CNTN6: variants seen among roughly 807,000 people sequenced by gnomAD.
The protein encoded by CNTN6 is contactin 6.
A neutral mutation model predicts 122.8 loss-of-function variants in CNTN6; 137 were observed. The observed-to-expected ratio is 1.12, with a 90% CI of 0.97 to 1.29. The LOEUF (loss-of-function observed/expected upper bound fraction) is 1.29, where lower values mean the gene tolerates loss of function less well. Among genes scored for constraint, CNTN6 ranks in the 50% most tolerant of loss-of-function variants. The pLI, the probability that CNTN6 is intolerant of heterozygous loss-of-function variation, is 0.00. For missense variants in CNTN6, 1,634 were observed against 1,223.4 expected (o/e 1.34, Z -5.01); for synonymous variants, 570 against 426.0 (o/e 1.34, Z -4.16).
At chr3:1,116,813 T>A (rs1473819067) in intron 1 of CNTN6, among the ~76,000 whole-genome samples, 1 of 149,432 alleles carries the variant, frequency 6.7e-6, no homozygotes, top group Non-Finnish European at 1.5e-5. Flanking sequence ...CAAGCGATTC[T>A]CATAACTCAG....
At chr3:1,337,056 C>T (rs1030271342) in intron 11 of CNTN6, among the ~76,000 whole-genome samples, 1 of 152,094 alleles carries the variant, frequency 6.6e-6, no homozygotes, top group Non-Finnish European at 1.5e-5. Flanking sequence ...GTAAAATGGT[C>T]CCCTTGGGAA....
intron 20 of CNTN6, among the ~76,000 whole-genome samples, chr3:1,399,912 T>C (rs1288399264): frequency 2.6e-5 from 4 of 152,096 alleles, no homozygotes; most frequent in South Asian, 4.1e-4. Context: ...CATGTAAGCA[T>C]ACAGGGAAAC....
At chr3:1,224,780 C>CT (rs767418818) in intron 3 of CNTN6, among the ~76,000 whole-genome samples, 9 of 152,170 alleles carry the variant, frequency 5.9e-5, no homozygotes, top group Non-Finnish European at 8.8e-5. Flanking sequence ...CAGTCTTGCT[C>CT]TGTCAGCCAG....
chr3:1,212,562 C>G (rs2094061194), intron 2 of CNTN6, among the ~76,000 whole-genome samples: 1 of 151,346 alleles, frequency 6.6e-6, no homozygotes, highest in South Asian at 2.1e-4. Context: ...TGTGTATACA[C>G]ATACACATAC....
intron 2 of CNTN6, among the ~76,000 whole-genome samples, chr3:1,158,899 T>TACACAC (rs1215687212): frequency 7.7e-6 from 1 of 129,846 alleles, no homozygotes; most frequent in African/African-American, 3.3e-5. Flanking sequence ...CACATATATA[T>TACACAC]ACACATATAT....
intron 2 of CNTN6, among the ~76,000 whole-genome samples, chr3:1,192,640 T>C (rs2093718588): frequency 6.6e-6 from 1 of 152,072 alleles, no homozygotes. Context: ...TTGTCACAGA[T>C]GCACACCTGC....
intron 4 of CNTN6, among the ~76,000 whole-genome samples, chr3:1,239,546 A>G (rs2094458193): frequency 6.6e-6 from 1 of 152,226 alleles, no homozygotes; most frequent in Non-Finnish European, 1.5e-5. Context: ...ATAGAAACAC[A>G]TCCCATGCTC....
In CNTN6 at chr3:1,147,986, A is replaced by G; in HGVS notation, c.-23A>G. The G allele has an allele frequency of 6.3e-7, 1 of 1,598,914 alleles. No individual in the cohort carries two copies. The highest frequency in any genetic ancestry group is 8.6e-7 in the Non-Finnish European group (1 of 1,167,914). The stretch of plus-strand genomic sequence containing the variant: ...TGTTCCACCTGATTGTATGGGAGAA[A>G]TTTTTGACCTTAGAAAGTGGAAATG... On this transcript the variant is annotated 5_prime_UTR_variant, in exon 2 of 23. Coordinates refer to ENST00000446702, the MANE Select transcript of CNTN6 (RefSeq NM_001289080.2).
At position 1,329,883 on chromosome 3, in the gene CNTN6, A is replaced by G. The variant is rs1487147502; in HGVS notation, c.1312A>G (p.Arg438Gly). ...CGGATGCAAACCAAATGCTTTTCCC[A>G]GGGCAGCTATCTCTTGGAAAAGAGG... is the stretch of plus-strand genomic sequence containing the variant. ...VIGCKPNAFPRAAISWKRGTE... is the reference protein window; with the variant it reads ...VIGCKPNAFPGAAISWKRGTE... Residue 438 changes from arginine to glycine, a missense_variant, in exon 11 of 23, where the codon AGG becomes GGG. Coordinates refer to ENST00000446702, the MANE Select transcript of CNTN6 (RefSeq NM_001289080.2). The G allele has an allele frequency of 6.2e-7, 1 of 1,610,308 alleles. No homozygotes were observed. Among genetic ancestry groups the G allele is most frequent in the Non-Finnish European group, 8.5e-7 (1 of 1,177,812 alleles).
intron 11 of CNTN6, among the ~76,000 whole-genome samples, chr3:1,334,792 G>C (rs900511151): frequency 1.1e-4 from 17 of 151,996 alleles, no homozygotes; most frequent in African/African-American, 3.9e-4. Flanking sequence ...CACACATTCA[G>C]TAAATATTTT....
chr3:1,100,988 A>T (rs1293946241), intron 1 of CNTN6, among the ~76,000 whole-genome samples: 1 of 152,050 alleles, frequency 6.6e-6, no homozygotes, highest in Non-Finnish European at 1.5e-5. Context: ...CCTTCAACAG[A>T]TGTTGTTTTC....
At chr3:1,242,193 G>T (rs1368678040) in intron 4 of CNTN6, among the ~76,000 whole-genome samples, 2 of 152,138 alleles carry the variant, frequency 1.3e-5, no homozygotes, top group Non-Finnish European at 2.9e-5. Flanking sequence ...TACAGCCTTG[G>T]TAATTTGCTG....
chr3:1,234,636 G>T (rs544674538), intron 4 of CNTN6, among the ~76,000 whole-genome samples: 1 of 152,234 alleles, frequency 6.6e-6, no homozygotes, highest in African/African-American at 2.4e-5. Context: ...TATTAAGTGG[G>T]TAATGCATAC....
intron 2 of CNTN6, among the ~76,000 whole-genome samples, chr3:1,203,592 C>T (rs2093915634): frequency 6.6e-6 from 1 of 152,134 alleles, no homozygotes; most frequent in Non-Finnish European, 1.5e-5. Context: ...GACGTTTAGC[C>T]CAAATGCGTT....
intron 1 of CNTN6, among the ~76,000 whole-genome samples, chr3:1,106,622 T>A (rs1000966197): frequency 1.3e-5 from 2 of 152,090 alleles, no homozygotes; most frequent in Admixed American, 1.3e-4. Flanking sequence ...ATTTTACTTA[T>A]AGCTTAGAAT....
At chr3:1,162,987 C>A (rs981999544) in intron 2 of CNTN6, among the ~76,000 whole-genome samples, 6 of 152,272 alleles carry the variant, frequency 3.9e-5, no homozygotes, top group East Asian at 1.9e-4. Context: ...ACTGGCCTGG[C>A]AGCCTCTTGT....
rs759673553 is a variant in CNTN6, at chr3:1,403,372, T to C, written c.3041T>C (p.Ile1014Thr). Residue 1014 changes from isoleucine (I) to threonine (T), a missense_variant, in exon 23 of 23, where the codon ATT becomes ACT. Ile to Thr is a moderately conservative substitution (Grantham distance 89, BLOSUM62 -1). Transcript: ENST00000446702. ...GAACCTAGCACCCATTTTCTTTCCA[T>C]TGTCATTGTGATTTTTCACTGTTTT... ...FLEPSTHFLS[I>T]VIVIFHCFAI... The C allele has an allele frequency of 9.3e-6, 15 of 1,611,510 alleles. No homozygotes were observed. In the East Asian group the frequency reaches 2.0e-4, roughly 22 times the overall value.
chr3:1,328,652 T>C (rs1701860882), intron 10 of CNTN6, among the ~76,000 whole-genome samples: 1 of 151,780 alleles, frequency 6.6e-6, no homozygotes, highest in Non-Finnish European at 1.5e-5. Context: ...GAACATAACC[T>C]ACATTGAGGA....
chr3:1,133,203 G>A (rs949598757), intron 1 of CNTN6, among the ~76,000 whole-genome samples: 7 of 152,198 alleles, frequency 4.6e-5, no homozygotes, highest in Non-Finnish European at 1.0e-4. Flanking sequence ...TGAAAATTTC[G>A]TAGAATAAGG....
Sources: allele counts gnomAD v4.1 joint callset (sites outside exome capture counted in the v4.1 genomes callset), GRCh38; gene constraint gnomAD v4.1.1; transcripts MANE v1.5; gene names NCBI Gene and HGNC (gene_info 2026-07-23, HGNC 2026-07-21).